Variants in SLC46A1 observed in about 807,000 individuals in gnomAD.
The protein encoded by SLC46A1 is proton-coupled folate transporter.
In SLC46A1, 17 loss-of-function variants were observed where a neutral mutation model predicts 32.1. The observed-to-expected ratio is 0.53, with a 90% CI of 0.36 to 0.79. The LOEUF is 0.79. Among genes scored for constraint, SLC46A1 ranks in the 30% least tolerant of loss-of-function variants. SLC46A1 has a pLI of 0.00. For missense variants in SLC46A1, 517 were observed against 588.2 expected (o/e 0.88, Z 1.25); for synonymous variants, 240 against 262.7 (o/e 0.91, Z 0.84).
chr17:28,401,169 G>A (rs974274233), intron 3 of SLC46A1: 1 of 249,622 alleles, frequency 4.0e-6, no homozygotes, highest in Non-Finnish European at 8.0e-6. Context: ...TCATAGCGGT[G>A]TCACCACTGA....
Position 28,406,062 on chromosome 17 carries a change from G to A in SLC46A1, c.53C>T (p.Ala18Val). 1 of 1,598,718 alleles carries A rather than the reference G, an allele frequency of 6.3e-7. No individual in the cohort carries two copies. Among genetic ancestry groups the A allele is most frequent in the Non-Finnish European group, 8.5e-7 (1 of 1,174,480 alleles). ...CTCTACCGGGCCCCGGCACAGCACG[G>A]CAGCCGCAGGGCGGGCGCGGGGCTT... ...PEKPRARPAA[A>V]VLCRGPVEPL... Residue 18 changes from alanine (A) to valine (V), a missense_variant, in exon 1 of 5, where the codon GCC (alanine) becomes GTC (valine). Physicochemically the swap from Ala to Val is moderately conservative, Grantham distance 64. Coordinates refer to ENST00000612814, the MANE Select transcript of SLC46A1 (RefSeq NM_080669.6). This position sits in a 1 kb window ranked among gnomAD's most constrained non-coding sequence, Gnocchi z 4.5.
intron 2 of SLC46A1, chr17:28,404,266 T>C (rs1287352823): frequency 6.4e-6 from 2 of 314,408 alleles, no homozygotes; most frequent in Non-Finnish European, 1.2e-5. Flanking sequence ...GTACCAGGCA[T>C]TAATGGCATG....
In SLC46A1 at chr17:28,405,030, T is replaced by G; in HGVS notation, c.667A>C (p.Thr223Pro). 6.2e-7 allele frequency: 1 copy of G among 1,613,632 alleles called. No individual in the cohort carries two copies. The highest frequency in any genetic ancestry group is 8.5e-7 in the Non-Finnish European group (1 of 1,179,790). ...WLALALLIAM[T>P]LYAAFCFGET... ...CCAAAGCAGAAAGCTGCATAGAGAG[T>G]CATGGCTATCAGCAAGGCCAAGGCC... Residue 223 changes from threonine to proline, a missense_variant, in exon 2 of 5, where the codon ACT becomes CCT. Physicochemically the swap from Thr to Pro is conservative, Grantham distance 38. Coordinates refer to ENST00000612814, the MANE Select transcript of SLC46A1 (RefSeq NM_080669.6).
At chr17:28,399,846 A>G in intron 4 of SLC46A1, 133 bp from the exon 5 acceptor site, 1 of 851,640 alleles carries the variant, frequency 1.2e-6, no homozygotes, top group Non-Finnish European at 2.0e-6. Context: ...CCCCAAGCTG[A>G]GAAGCTGAGA....
In SLC46A1 at chr17:28,402,244, CTG is replaced by C; in HGVS notation, c.1157_1158del (p.Thr386ArgfsTer14). ...RAKLSKLVRETEQGALFSAVA... is the reference protein window; with the variant it reads ...RAKLSKLVREXEQGALFSAVA... ...GGTGGGTTCTGACACTCACCCTGCTCTGTCTCTCTCACCAGCTTGGAGAGTTT... is the reference window on the plus strand; with the variant it reads ...GGTGGGTTCTGACACTCACCCTGCTCTCTCTCTCACCAGCTTGGAGAGTTT... On this transcript the variant is annotated frameshift_variant, in exon 3 of 5. Coordinates refer to ENST00000612814, the MANE Select transcript of SLC46A1 (RefSeq NM_080669.6). LOFTEE classifies it high-confidence loss of function. 2 of 1,612,968 alleles carry C rather than the reference CTG, an allele frequency of 1.2e-6. No homozygotes were observed. The highest frequency in any genetic ancestry group is 1.7e-6 in the Non-Finnish European group (2 of 1,179,472).
upstream of SLC46A1, chr17:28,406,398 G>C (rs1427835112): frequency 5.3e-6 from 2 of 380,386 alleles, no homozygotes; most frequent in Non-Finnish European, 9.2e-6. This position sits in a 1 kb window ranked among gnomAD's most constrained non-coding sequence, Gnocchi z 4.5. Flanking sequence ...CCTCCCTCCC[G>C]GCCCAGACAC....
chr17:28,395,940 T>C lies in SLC46A1; in HGVS notation c.*3716A>G, dbSNP rs782593787. ...CTGCTTTAAGCTGCGGCAAGAACAT[T>C]GTGCCCATCATTGATGGCTTCGAGT... On this transcript the variant is annotated 3_prime_UTR_variant, in exon 5 of 5. Transcript: ENST00000612814. The C allele has an allele frequency of 1.2e-6, 2 of 1,613,854 alleles. No individual in the cohort carries two copies. The highest frequency in any genetic ancestry group is 1.7e-6 in the Non-Finnish European group (2 of 1,179,886).
Position 28,399,340 on chromosome 17 carries a change from A to C in SLC46A1, c.*316T>G. 3.0e-6 allele frequency: 1 copy of C among 330,838 alleles called. No homozygotes were observed. The highest frequency in any genetic ancestry group is 5.7e-6 in the Non-Finnish European group (1 of 174,764). 20.5% of individuals were successfully genotyped at this position (330,838 alleles called of 1,614,324 possible). On this transcript the variant is annotated 3_prime_UTR_variant, in exon 5 of 5. Coordinates refer to ENST00000612814, the MANE Select transcript of SLC46A1 (RefSeq NM_080669.6). ...TGGTCCCTGAAGTGTCACCTCTCTC[A>C]GGACCTCTCCTCTGGCCTGTGGGGT... is the stretch of plus-strand genomic sequence containing the variant.
rs2068124015 is a variant in SLC46A1, at chr17:28,396,381, A to G, written c.*3275T>C. ...AAACCAGTCTCCCTGGGCTGAGACA[A>G]CCTGGGCTCTTCTTAGGAAATGGCT... On this transcript the variant is annotated 3_prime_UTR_variant, in exon 5 of 5. Coordinates refer to ENST00000612814, the MANE Select transcript of SLC46A1 (RefSeq NM_080669.6). 1 of 1,480,662 alleles carries G rather than the reference A, an allele frequency of 6.8e-7. No homozygotes were observed. The allele number at this position is 1,480,662 out of a possible 1,614,324, so 91.7% of individuals were successfully genotyped here. A position where few individuals can be genotyped will look rare whatever the true frequency, so the allele number is the denominator to read the frequency against.
At position 28,405,239 on chromosome 17, in the gene SLC46A1, A is replaced by C; in HGVS notation, c.458T>G (p.Leu153Arg). 6.9e-6 allele frequency: 11 copies of C among 1,590,188 alleles called. No individual in the cohort carries two copies. The highest frequency in any genetic ancestry group is 9.4e-6 in the Non-Finnish European group (11 of 1,168,866). ...CAGAAGGCCACCGAAGTCGCCGAGG[A>C]GGGCACAAAGGATGCGACCCAGCAC... is the stretch of plus-strand genomic sequence containing the variant. Reference protein sequence around the residue: ...YFVLGRILCALLGDFGGLLAA... With the variant: ...YFVLGRILCARLGDFGGLLAA... The change falls in exon 2 of 5, where the codon CTC becomes CGC. Residue 153 changes from leucine to arginine, a missense_variant. Coordinates refer to ENST00000612814, the MANE Select transcript of SLC46A1 (RefSeq NM_080669.6).
At position 28,406,125 on chromosome 17, in the gene SLC46A1, G is replaced by A. The variant is rs997671408; in HGVS notation, c.-11C>T. ...CGCGCTCCCCTCCATGTGCGTGCGCGGCGGAGCTGTCGCCAGGCGGGCGGC... is the reference window on the plus strand; with the variant it reads ...CGCGCTCCCCTCCATGTGCGTGCGCAGCGGAGCTGTCGCCAGGCGGGCGGC... On this transcript the variant is annotated 5_prime_UTR_variant, in exon 1 of 5. Transcript: ENST00000612814. The surrounding 1 kb of genome is among the most constrained non-coding windows in gnomAD (Gnocchi z 4.5). 25 of 1,418,636 alleles carry A rather than the reference G, an allele frequency of 1.8e-5. No individual in the cohort carries two copies. Among genetic ancestry groups the A allele is most frequent in the African/African-American group, 1.5e-4 (10 of 66,700 alleles). 87.9% of individuals were successfully genotyped at this position (1,418,636 alleles called of 1,614,324 possible).
chr17:28,396,255 T>C lies in SLC46A1; in HGVS notation c.*3401A>G. ...TCATCTGCAGGCTCTGACACCAGTT[T>C]GGAGGGTGCTGCACCCATGGGTCCA... On this transcript the variant is annotated 3_prime_UTR_variant, in exon 5 of 5. Transcript: ENST00000612814. 1 of 1,613,998 alleles carries C rather than the reference T, an allele frequency of 6.2e-7. No individual in the cohort carries two copies. The highest frequency in any genetic ancestry group is 8.5e-7 in the Non-Finnish European group (1 of 1,179,872).
chr17:28,400,675 GT>G lies in SLC46A1; in HGVS notation c.1256del (p.Asn419ThrfsTer3). The G allele has an allele frequency of 1.9e-6, 3 of 1,613,426 alleles. No individual in the cohort carries two copies. Among genetic ancestry groups the G allele is most frequent in the Non-Finnish European group, 2.5e-6 (3 of 1,179,760 alleles). On this transcript the variant is annotated frameshift_variant, in exon 4 of 5. Coordinates refer to ENST00000612814, the MANE Select transcript of SLC46A1 (RefSeq NM_080669.6). LOFTEE classifies it high-confidence loss of function. ...IFNSLYPATL[N>X]FMKGFPFLLG... ...GGAGGAAGGGGAACCCCTTCATAAA[GT>G]TCAGAGTGGCTGGGTAGAGTGAGTT... is the stretch of plus-strand genomic sequence containing the variant.
At position 28,402,220 on chromosome 17, in the gene SLC46A1, G is replaced by C; in HGVS notation, c.1165+18C>G. On this transcript the variant is annotated intron_variant, in intron 3 of 4. Transcript: ENST00000612814. ...ACTGGACATGAGGAACCAGACACAG[G>C]TGGGTTCTGACACTCACCCTGCTCT... 2 of 1,607,236 alleles carry C rather than the reference G, an allele frequency of 1.2e-6. No individual in the cohort carries two copies. Among genetic ancestry groups the C allele is most frequent in the Non-Finnish European group, 1.7e-6 (2 of 1,175,866 alleles).
chr17:28,405,122 C>G lies in SLC46A1; in HGVS notation c.575G>C (p.Gly192Ala), dbSNP rs1555590740. ...ALLEASIGVA[G>A]MLASLLGGHW... ...GCCCCCGAGGAGGCTTGCCAGCATCCCAGCCACCCCGATGCTGGCTTCCAG... is the reference window on the plus strand; with the variant it reads ...GCCCCCGAGGAGGCTTGCCAGCATCGCAGCCACCCCGATGCTGGCTTCCAG... Residue 192 changes from glycine (G) to alanine (A), a missense_variant, in exon 2 of 5, where the codon GGG becomes GCG. Coordinates refer to ENST00000612814, the MANE Select transcript of SLC46A1 (RefSeq NM_080669.6). 1 of 1,613,076 alleles carries G rather than the reference C, an allele frequency of 6.2e-7. No individual in the cohort carries two copies. The highest frequency in any genetic ancestry group is 1.1e-5 in the South Asian group (1 of 91,050).
intron 2 of SLC46A1, chr17:28,404,101 G>A: frequency 6.3e-6 from 1 of 157,784 alleles, no homozygotes; most frequent in South Asian, 1.9e-4. Flanking sequence ...AAGAAGGGGA[G>A]GAAGTGAGGA....
chr17:28,402,388 C>A, intron 2 of SLC46A1, 67 bp from the exon 3 acceptor site: 1 of 1,374,308 alleles, frequency 7.3e-7, no homozygotes, highest in South Asian at 1.2e-5. Flanking sequence ...GGAAAGGCAG[C>A]AGAGCTCCTA....
chr17:28,395,828 C>T lies in SLC46A1; in HGVS notation c.*3828G>A. On this transcript the variant is annotated 3_prime_UTR_variant, in exon 5 of 5. Transcript: ENST00000612814. ...CTGGGCCCAGCCTCGGGCCAGTGGG[C>T]CTCCCAGCACCTGCCTGGCTACAAG... The T allele has an allele frequency of 6.4e-7, 1 of 1,574,690 alleles. No individual in the cohort carries two copies. Among genetic ancestry groups the T allele is most frequent in the Non-Finnish European group, 8.7e-7 (1 of 1,155,070 alleles).
At chr17:28,400,462 C>T (rs1243340632) in intron 4 of SLC46A1, 148 bp downstream of exon 4, 2 of 1,010,468 alleles carry the variant, frequency 2.0e-6, no homozygotes, top group Admixed American at 2.7e-5. Context: ...ATTAGGCAGC[C>T]ATCTGCAAGG....
Sources: gnomAD v4.1 joint callset for allele counts on GRCh38, gnomAD v4.1.1 for gene constraint, Gnocchi (gnomAD v3.1) non-coding constraint, MANE v1.5 for transcripts, NCBI Gene and HGNC (gene_info 2026-07-23, HGNC 2026-07-21) for gene names.